AOC1: variants seen among roughly 807,000 people sequenced by gnomAD.
AOC1 encodes the protein diamine oxidase [copper-containing].
A neutral mutation model predicts 57.1 loss-of-function variants in AOC1; 58 were observed. That is an observed-to-expected ratio of 1.02 (90% confidence interval 0.82 to 1.26). The LOEUF is 1.26. Ranked by LOEUF, AOC1 falls within the 50% of genes most tolerant of loss-of-function variation. The probability of loss-of-function intolerance (pLI) is 0.00; values close to 1 mark genes in which losing one functional copy is unlikely to be tolerated. For missense variants in AOC1, 917 were observed against 1,005.3 expected, an observed-to-expected ratio of 0.91 and a Z score of 1.19; for synonymous variants, 401 against 423.4, an observed-to-expected ratio of 0.95 and a Z score of 0.65.
chr7:150,852,161 C>A (rs1276257157), upstream of AOC1: 1 of 152,484 alleles, frequency 6.6e-6, no homozygotes, highest in African/African-American at 2.4e-5. This position sits in a 1 kb window ranked among gnomAD's most constrained non-coding sequence, Gnocchi z 4.6. Flanking sequence ...CCTCTATCAG[C>A]CCCTGCCCTG....
In AOC1 at chr7:150,860,640, C is replaced by T. The variant is rs756654299; in HGVS notation, c.1989+7C>T. The T allele has an allele frequency of 2.5e-6, 4 of 1,613,438 alleles. No homozygotes were observed. The highest frequency in any genetic ancestry group is 2.5e-6 in the Non-Finnish European group (3 of 1,179,588). On this transcript the variant is annotated splice_region_variant and intron_variant, in intron 4 of 4. Coordinates refer to ENST00000360937, the MANE Select transcript of AOC1 (RefSeq NM_001091.4). Reference sequence around the variant, plus strand: ...CGAGAACATTGAAAATGAGGTACTGCCCTGTCCCCAGCCCTGCCCGGTGCT... The same window carrying T: ...CGAGAACATTGAAAATGAGGTACTGTCCTGTCCCCAGCCCTGCCCGGTGCT...
chr7:150,857,312 T>G lies in AOC1; in HGVS notation c.842T>G (p.Leu281Arg). The change falls in exon 2 of 5, where the codon CTC (leucine) becomes CGC (arginine). Residue 281 changes from leucine to arginine, a missense_variant. Physicochemically the swap from Leu to Arg is moderately radical, Grantham distance 102. Transcript: ENST00000360937. This position sits in a 1 kb window ranked among gnomAD's most constrained non-coding sequence, Gnocchi z 6.6. ...KGHDSTEEPP[L>R]FSSHKPRGDF... Reference sequence around the variant, plus strand: ...CATGACAGCACAGAGGAGCCGCCCCTCTTCTCCTCCCACAAGCCCCGCGGG... The same window carrying G: ...CATGACAGCACAGAGGAGCCGCCCCGCTTCTCCTCCCACAAGCCCCGCGGG... The G allele has an allele frequency of 6.3e-7, 1 of 1,597,406 alleles. No homozygotes were observed. Among genetic ancestry groups the G allele is most frequent in the Admixed American group, 1.7e-5 (1 of 58,606 alleles).
Position 150,858,940 on chromosome 7 carries a change from A to G in AOC1, c.1748A>G (p.Gln583Arg), listed in dbSNP as rs770782792. 4 of 1,611,702 alleles carry G rather than the reference A, an allele frequency of 2.5e-6. No individual in the cohort carries two copies. The highest frequency in any genetic ancestry group is 1.7e-4 in the Middle Eastern group (1 of 6,056). ...LPKYLLFTSP[Q>R]ENPWGHKRTY... is the part of the protein sequence containing the mutation. ...AAGTACCTGCTCTTTACCAGCCCCC[A>G]GGAGAACCCCTGGGGCCACAAGCGC... Residue 583 changes from glutamine (Q) to arginine (R), a missense_variant, in exon 3 of 5, where the codon CAG (glutamine) becomes CGG (arginine). Coordinates refer to ENST00000360937, the MANE Select transcript of AOC1 (RefSeq NM_001091.4).
At position 150,857,457 on chromosome 7, in the gene AOC1, C is replaced by T. The variant is rs546583289; in HGVS notation, c.987C>T (p.Arg329=). 4 of 1,612,262 alleles carry T rather than the reference C, an allele frequency of 2.5e-6. No individual in the cohort carries two copies. Among genetic ancestry groups the T allele is most frequent in the Middle Eastern group, 1.6e-4 (1 of 6,062 alleles). ...YGGWSFAFRL[R]SSSGLQVLNV... The stretch of plus-strand genomic sequence containing the variant: ...GCTGGAGCTTTGCCTTCCGGCTGCG[C>T]TCCTCCTCCGGGCTGCAGGTCCTGA... The change falls in exon 2 of 5, where the codon CGC becomes CGT. Residue 329 remains arginine (R), a synonymous_variant. Coordinates refer to ENST00000360937, the MANE Select transcript of AOC1 (RefSeq NM_001091.4). This position sits in a 1 kb window ranked among gnomAD's most constrained non-coding sequence, Gnocchi z 6.6.
chr7:150,857,462 C>A lies in AOC1; in HGVS notation c.992C>A (p.Ser331Tyr). 1 of 1,612,528 alleles carries A rather than the reference C, an allele frequency of 6.2e-7. No homozygotes were observed. ...GWSFAFRLRS[S>Y]SGLQVLNVHF... Reference sequence around the variant, plus strand: ...AGCTTTGCCTTCCGGCTGCGCTCCTCCTCCGGGCTGCAGGTCCTGAACGTG... The same window carrying A: ...AGCTTTGCCTTCCGGCTGCGCTCCTACTCCGGGCTGCAGGTCCTGAACGTG... The change falls in exon 2 of 5, where the codon TCC (serine) becomes TAC (tyrosine). Residue 331 changes from serine to tyrosine, a missense_variant. By Grantham distance (144) the Ser-to-Tyr change is moderately radical. Coordinates refer to ENST00000360937, the MANE Select transcript of AOC1 (RefSeq NM_001091.4). This position sits in a 1 kb window ranked among gnomAD's most constrained non-coding sequence, Gnocchi z 6.6.
chr7:150,853,695 A>ATATT lies in AOC1; in HGVS notation c.-17+1156_-17+1159dup, dbSNP rs1243500622. On this transcript the variant is annotated intron_variant, in intron 1 of 4. Coordinates refer to ENST00000360937, the MANE Select transcript of AOC1 (RefSeq NM_001091.4). Reference sequence around the variant, plus strand: ...TATATATATATATATATATATATATATATTTATTTATTTATTTATTTAAGT... The same window carrying ATATT: ...TATATATATATATATATATATATATATATTTATTTATTTATTTATTTATTTAAGT... Among the ~76,000 whole-genome samples, 396 of 84,134 alleles carry ATATT rather than the reference A, an allele frequency of 4.7e-3. 1 individual carries two copies. Among genetic ancestry groups the ATATT allele is most frequent in the Middle Eastern group, 0.035 (6 of 170 alleles). The allele number at this position is 84,134 out of a possible 152,430, so 55.2% of individuals were successfully genotyped here. A position where few individuals can be genotyped will look rare whatever the true frequency, so the allele number is the denominator to read the frequency against.
Position 150,861,289 on chromosome 7 carries a change from C to G in AOC1, c.*80C>G. On this transcript the variant is annotated 3_prime_UTR_variant, in exon 5 of 5. Transcript: ENST00000360937. The surrounding 1 kb of genome is among the most constrained non-coding windows in gnomAD (Gnocchi z 4.5). ...GGCAGACAATAAACCCTCAGAGCCT[C>G]GCTCTGTGTGCTGCTTCTTGCGGGG... The G allele has an allele frequency of 1.4e-6, 2 of 1,438,042 alleles. No individual in the cohort carries two copies. The highest frequency in any genetic ancestry group is 1.9e-6 in the Non-Finnish European group (2 of 1,076,070). The allele number at this position is 1,438,042 out of a possible 1,614,324, so 89.1% of individuals were successfully genotyped here.
At position 150,857,729 on chromosome 7, in the gene AOC1, A is replaced by G. The variant is rs1799833969; in HGVS notation, c.1259A>G (p.Glu420Gly). The change falls in exon 2 of 5, where the codon GAA becomes GGA. Residue 420 changes from glutamate to glycine, a missense_variant. Transcript: ENST00000360937. The surrounding 1 kb of genome is among the most constrained non-coding windows in gnomAD (Gnocchi z 6.6). ...TATCCCCGAGCCCTCTGCCTCTTTG[A>G]AATGCCCACAGGGGTGCCCCTTCGG... is the stretch of plus-strand genomic sequence containing the variant. ...VHYPRALCLFEMPTGVPLRRH... is the reference protein window; with the variant it reads ...VHYPRALCLFGMPTGVPLRRH... 1 of 1,614,002 alleles carries G rather than the reference A, an allele frequency of 6.2e-7. No individual in the cohort carries two copies. Among genetic ancestry groups the G allele is most frequent in the Non-Finnish European group, 8.5e-7 (1 of 1,179,980 alleles).
chr7:150,858,093 C>G (rs904338063), intron 2 of AOC1, 53 bp downstream of exon 2: 2 of 1,490,630 alleles, frequency 1.3e-6, no homozygotes, highest in Non-Finnish European at 1.8e-6. Context: ...CAGCCAATAA[C>G]TTAAACTCCC....
Position 150,860,585 on chromosome 7 carries a change from C to T in AOC1, c.1941C>T (p.Pro647=), listed in dbSNP as rs375543270. The T allele has an allele frequency of 3.3e-5, 53 of 1,613,876 alleles. No individual in the cohort carries two copies. The highest frequency in any genetic ancestry group is 4.1e-5 in the Non-Finnish European group (48 of 1,179,936). The change falls in exon 4 of 5, where the codon CCC becomes CCT. Residue 647 remains proline (P), a synonymous_variant. Transcript: ENST00000360937. Reference sequence around the variant, plus strand: ...ACCAGAACGACCCCTGGCACCCGCCCGTGGTCTTTGAGCAGTTTCTTCACA... The same window carrying T: ...ACCAGAACGACCCCTGGCACCCGCCTGTGGTCTTTGAGCAGTTTCTTCACA... ...IYHQNDPWHP[P]VVFEQFLHNN... is the part of the protein sequence containing the mutation.
At chr7:150,858,646 G>A in intron 2 of AOC1, 117 bp from the exon 3 acceptor site, 1 of 1,153,996 alleles carries the variant, frequency 8.7e-7, no homozygotes, top group South Asian at 1.6e-5. Context: ...CAACATCCCG[G>A]TTATTCAAGA....
At position 150,861,196 on chromosome 7, in the gene AOC1, A is replaced by T. The variant is rs955004015; in HGVS notation, c.2243A>T (p.Tyr748Phe). The T allele has an allele frequency of 5.3e-5, 84 of 1,585,812 alleles. 1 individual carries two copies. Among genetic ancestry groups the T allele is most frequent in the Non-Finnish European group, 6.6e-5 (77 of 1,159,942 alleles). The change falls in exon 5 of 5, where the codon TAT becomes TTT. Residue 748 changes from tyrosine to phenylalanine, a missense_variant. Coordinates refer to ENST00000360937, the MANE Select transcript of AOC1 (RefSeq NM_001091.4). The surrounding 1 kb of genome is among the most constrained non-coding windows in gnomAD (Gnocchi z 4.5). ...CCCCCTTTTAGCTACAATGGGACCT[A>T]TAGACCTGTGTGACCAGCCCCCAGT... Reference protein sequence around the residue: ...MPPPFSYNGTYRPV With the variant: ...MPPPFSYNGTFRPV
At chr7:150,855,165 C>T (rs779518145) in intron 1 of AOC1, among the ~76,000 whole-genome samples, 6 of 152,172 alleles carry the variant, frequency 3.9e-5, no homozygotes, top group Middle Eastern at 3.2e-3. Flanking sequence ...AATCCTGAAG[C>T]GGGGCTCCCA....
chr7:150,860,482 C>T lies in AOC1; in HGVS notation c.1857-19C>T, dbSNP rs1455285109. The T allele has an allele frequency of 6.2e-7, 1 of 1,613,790 alleles. No homozygotes were observed. Among genetic ancestry groups the T allele is most frequent in the South Asian group, 1.1e-5 (1 of 91,082 alleles). On this transcript the variant is annotated intron_variant, in intron 3 of 4. Coordinates refer to ENST00000360937, the MANE Select transcript of AOC1 (RefSeq NM_001091.4). ...CAGCCCAGGGCCCTGAGCCAAGCTG[C>T]TTCGCCTGTGCCTGGCAGGTACCCC...
At position 150,857,193 on chromosome 7, in the gene AOC1, G is replaced by T. The variant is rs755141400; in HGVS notation, c.723G>T (p.Lys241Asn). ...TGGAGCAGGTGTGGTACAACGGGAA[G>T]TTCTATGGGAGCCCAGAGGAACTGG... ...WAVEQVWYNG[K>N]FYGSPEELAR... Residue 241 changes from lysine (K) to asparagine (N), a missense_variant, in exon 2 of 5, where the codon AAG (lysine) becomes AAT (asparagine). Lys to Asn is a moderately conservative substitution (Grantham distance 94, BLOSUM62 0). Coordinates refer to ENST00000360937, the MANE Select transcript of AOC1 (RefSeq NM_001091.4). This position sits in a 1 kb window ranked among gnomAD's most constrained non-coding sequence, Gnocchi z 6.6. 2 of 1,613,310 alleles carry T rather than the reference G, an allele frequency of 1.2e-6. No homozygotes were observed. The highest frequency in any genetic ancestry group is 1.7e-5 in the Admixed American group (1 of 59,964).
chr7:150,852,898 C>T lies in AOC1; in HGVS notation c.-17+340C>T, dbSNP rs555236522. 6.6e-6 allele frequency among the ~76,000 whole-genome samples: 1 copy of T among 152,258 alleles called. No individual in the cohort carries two copies. Among genetic ancestry groups the T allele is most frequent in the South Asian group, 2.1e-4 (1 of 4,824 alleles). On this transcript the variant is annotated intron_variant, in intron 1 of 4. Transcript: ENST00000360937. The surrounding 1 kb of genome is among the most constrained non-coding windows in gnomAD (Gnocchi z 4.6). ...CTGGGGAAAGCAAAGGTCTCTTCCA[C>T]ATCTTTCTCCTTCCTGGAAAAGCAA...
chr7:150,857,541 G>A lies in AOC1; in HGVS notation c.1071G>A (p.Ala357=), dbSNP rs201729648. 119 of 1,614,028 alleles carry A rather than the reference G, an allele frequency of 7.4e-5. No individual in the cohort carries two copies. The highest frequency in any genetic ancestry group is 1.3e-4 in the South Asian group (12 of 91,082). ...AYEVSVQEAV[A]LYGGHTPAGM... is the part of the protein sequence containing the mutation. The stretch of plus-strand genomic sequence containing the variant: ...AGGTCAGCGTGCAAGAGGCAGTGGC[G>A]CTGTATGGAGGACACACACCTGCAG... Residue 357 remains alanine, a synonymous_variant, in exon 2 of 5, where the codon GCG becomes GCA. Transcript: ENST00000360937. This position sits in a 1 kb window ranked among gnomAD's most constrained non-coding sequence, Gnocchi z 6.6.
rs1799852021 is a variant in AOC1, at chr7:150,858,116, T to C, written c.1570+76T>C. The C allele has an allele frequency of 1.2e-5, 17 of 1,472,514 alleles. No homozygotes were observed. In the South Asian group the frequency reaches 2.3e-4, roughly 20 times the overall value. The allele number at this position is 1,472,514 out of a possible 1,614,324, so 91.2% of individuals were successfully genotyped here. A position where few individuals can be genotyped will look rare whatever the true frequency, so the allele number is the denominator to read the frequency against. On this transcript the variant is annotated intron_variant, in intron 2 of 4. Transcript: ENST00000360937. ...AACTTAAACTCCCAGGAGACGGCAC[T>C]ATAACTCCCTGGTGGTGGAAAGTTA...
At position 150,858,836 on chromosome 7, in the gene AOC1, C is replaced by A; in HGVS notation, c.1644C>A (p.Arg548=). The change falls in exon 3 of 5, where the codon CGC becomes CGA. Residue 548 remains arginine (R), a synonymous_variant. Transcript: ENST00000360937. ...CCAACCCCTGGAGCCCAAGACACCG[C>A]GTGGTCCAGCCAACTCTGGAGCAGA... ...NITNPWSPRH[R]VVQPTLEQTQ... 1.2e-6 allele frequency: 2 copies of A among 1,613,860 alleles called. No homozygotes were observed. The highest frequency in any genetic ancestry group is 1.7e-6 in the Non-Finnish European group (2 of 1,179,774).
Sources: allele counts gnomAD v4.1 joint callset (sites outside exome capture counted in the v4.1 genomes callset), GRCh38; gene constraint gnomAD v4.1.1; non-coding constraint Gnocchi (gnomAD v3.1); transcripts MANE v1.5; gene names NCBI Gene and HGNC (gene_info 2026-07-23, HGNC 2026-07-21).